Variants in RGS7 observed in about 807,000 individuals in gnomAD.
RGS7 encodes the protein regulator of G protein signaling 7.
Under a neutral mutation model 81.1 loss-of-function variants are expected in RGS7, and 27 were observed. That is an observed-to-expected ratio of 0.33 (90% CI 0.25 to 0.46). RGS7 has a LOEUF of 0.46. RGS7 is among the 20% of genes least tolerant of loss of function. The pLI is 1.00. For synonymous variants in RGS7, 208 were observed against 207.7 expected (o/e 1.00, Z -0.01); for missense variants, 396 against 607.4 (o/e 0.65, Z 3.66).
intron 2 of RGS7, among the ~76,000 whole-genome samples, chr1:241,274,532 G>A (rs1271242973): frequency 1.3e-5 from 2 of 152,170 alleles, no homozygotes; most frequent in South Asian, 2.1e-4. Flanking sequence ...TATCTGAATT[G>A]TGCAGATGAA....
At chr1:240,820,888 A>G (rs934504144) in intron 10 of RGS7, among the ~76,000 whole-genome samples, 4 of 152,172 alleles carry the variant, frequency 2.6e-5, no homozygotes, top group Non-Finnish European at 5.9e-5. Context: ...CACAAAGTAC[A>G]AGAAGCCTTT....
chr1:241,205,038 C>A (rs1220538550), intron 2 of RGS7, among the ~76,000 whole-genome samples: 3 of 150,828 alleles, frequency 2.0e-5, no homozygotes, highest in East Asian at 1.9e-4. Context: ...ATTCAAGGAT[C>A]AGTAATAGAA....
At chr1:240,810,317 A>G (rs1689619694) in intron 14 of RGS7, among the ~76,000 whole-genome samples, 1 of 151,978 alleles carries the variant, frequency 6.6e-6, no homozygotes, top group Non-Finnish European at 1.5e-5. Context: ...TTACTTATTT[A>G]TTTACTCATG....
At chr1:241,243,685 G>T (rs1047424779) in intron 2 of RGS7, among the ~76,000 whole-genome samples, 1 of 151,970 alleles carries the variant, frequency 6.6e-6, no homozygotes, top group African/African-American at 2.4e-5. Flanking sequence ...GGAGAGAGAA[G>T]GAATAAAAAG....
At chr1:240,876,256 T>C (rs993509584) in intron 6 of RGS7, among the ~76,000 whole-genome samples, 1 of 152,112 alleles carries the variant, frequency 6.6e-6, no homozygotes, top group East Asian at 1.9e-4. Flanking sequence ...CAGCAGCCCC[T>C]TGAAGTCTCT....
At chr1:241,294,082 C>G (rs950228756) in intron 2 of RGS7, among the ~76,000 whole-genome samples, 8 of 152,166 alleles carry the variant, frequency 5.3e-5, no homozygotes, top group African/African-American at 1.9e-4. Context: ...AAATGTGGCA[C>G]ATACACACCA....
At chr1:241,258,986 T>G (rs1324138247) in intron 2 of RGS7, among the ~76,000 whole-genome samples, 1 of 152,122 alleles carries the variant, frequency 6.6e-6, no homozygotes, top group Non-Finnish European at 1.5e-5. Flanking sequence ...GGGGCCATAC[T>G]TCACAAGCAG....
chr1:241,308,148 T>C (rs986055333), intron 2 of RGS7, among the ~76,000 whole-genome samples: 1 of 150,208 alleles, frequency 6.7e-6, no homozygotes, highest in African/African-American at 2.5e-5. Flanking sequence ...GCTAGGGAGA[T>C]AGAGAGAATG....
intron 4 of RGS7, among the ~76,000 whole-genome samples, chr1:240,938,828 G>A (rs1305340585): frequency 2.0e-5 from 3 of 151,760 alleles, no homozygotes; most frequent in Non-Finnish European, 2.9e-5. Context: ...GTGCGTGTGT[G>A]TGTGTGTGTG....
At chr1:240,842,917 C>A (rs898595243) in intron 9 of RGS7, among the ~76,000 whole-genome samples, 1 of 151,890 alleles carries the variant, frequency 6.6e-6, no homozygotes, top group Admixed American at 6.6e-5. Context: ...GATCTCAGCA[C>A]TTTGGGAGGC....
rs543529695 is a variant in RGS7 at position 240,852,134 on chromosome 1, G to T, written c.609+16453C>A. The stretch of plus-strand genomic sequence containing the variant: ...TTTGCAAAAAAAAGAGTCAATTGAT[G>T]TGGCAAACTTTATTGTTGTTTTATT... On this transcript the variant is annotated intron_variant, in intron 9 of 18. Coordinates refer to ENST00000440928, the MANE Select transcript of RGS7 (RefSeq NM_001364886.1). 3.3e-5 allele frequency among the ~76,000 whole-genome samples: 5 copies of T among 152,256 alleles called. No individual in the cohort carries two copies. In the East Asian group the frequency reaches 9.6e-4, roughly 29 times the overall value.
chr1:240,831,640 T>G (rs1176637776), intron 9 of RGS7, among the ~76,000 whole-genome samples: 1 of 151,432 alleles, frequency 6.6e-6, no homozygotes, highest in African/African-American at 2.4e-5. Flanking sequence ...CTTTTTTTTT[T>G]TTTTTTTTTC....
intron 16 of RGS7, among the ~76,000 whole-genome samples, chr1:240,802,508 C>A (rs931602994): frequency 6.6e-6 from 1 of 152,090 alleles, no homozygotes; most frequent in Non-Finnish European, 1.5e-5. Flanking sequence ...AGTTATGAGG[C>A]CTGTGGTTCA....
At chr1:240,784,534 T>C (rs1458947411) in intron 18 of RGS7, among the ~76,000 whole-genome samples, 2 of 151,088 alleles carry the variant, frequency 1.3e-5, no homozygotes, top group South Asian at 2.1e-4. Flanking sequence ...TAGTCCCAGC[T>C]ACTCAGGAGG....
chr1:241,004,778 G>A (rs968363212), intron 3 of RGS7, among the ~76,000 whole-genome samples: 2 of 152,134 alleles, frequency 1.3e-5, no homozygotes, highest in South Asian at 4.1e-4. Flanking sequence ...TCTCTGGACT[G>A]GGGGTCTTAG....
intron 3 of RGS7, among the ~76,000 whole-genome samples, chr1:241,005,815 G>A (rs1286684979): frequency 2.0e-5 from 3 of 152,150 alleles, no homozygotes; most frequent in South Asian, 2.1e-4. Flanking sequence ...GATTACAGGC[G>A]TGAGCCACCG....
At chr1:241,089,667 C>T (rs2063743112) in intron 3 of RGS7, among the ~76,000 whole-genome samples, 1 of 152,008 alleles carries the variant, frequency 6.6e-6, no homozygotes, top group South Asian at 2.1e-4. Flanking sequence ...TCAGCATATC[C>T]CTCTGAAAAT....
chr1:240,951,103 G>A (rs912620442), intron 4 of RGS7, among the ~76,000 whole-genome samples: 26 of 151,966 alleles, frequency 1.7e-4, no homozygotes, highest in South Asian at 4.1e-4. Flanking sequence ...TTTTATTTGC[G>A]GAGATGGGGT....
intron 10 of RGS7, among the ~76,000 whole-genome samples, chr1:240,825,813 C>T (rs533639001): frequency 7.9e-5 from 12 of 152,096 alleles, no homozygotes; most frequent in Non-Finnish European, 1.2e-4. Flanking sequence ...AATATGGTGC[C>T]GAAGAGAGAG....
Sources: allele counts gnomAD v4.1 joint callset (sites outside exome capture counted in the v4.1 genomes callset), GRCh38; gene constraint gnomAD v4.1.1; transcripts MANE v1.5; gene names NCBI Gene and HGNC (gene_info 2026-07-23, HGNC 2026-07-21).